CPLX3: variants seen among roughly 807,000 people sequenced by gnomAD.
The protein encoded by CPLX3 is complexin-3.
CPLX3 carries 12 observed loss-of-function variants against 17.2 expected under a neutral mutation model. That is an observed-to-expected ratio of 0.70 (90% CI 0.45 to 1.13). The LOEUF is 1.13. Ranked by LOEUF, CPLX3 falls within the 50% of genes most tolerant of loss-of-function variation. The pLI is 0.00. For missense variants in CPLX3, 172 were observed against 203.2 expected, an observed-to-expected ratio of 0.85 and a Z score of 0.93; for synonymous variants, 75 against 79.4, an observed-to-expected ratio of 0.94 and a Z score of 0.29.
chr15:74,827,051 C>T (rs1309376343), intron 1 of CPLX3, among the ~76,000 whole-genome samples, 184 bp downstream of exon 1: 1 of 152,146 alleles, frequency 6.6e-6, no homozygotes, highest in Admixed American at 6.5e-5. Flanking sequence ...CAAAACCCCG[C>T]TCCAGCATCA....
In CPLX3 at chr15:74,826,981, C is replaced by A; in HGVS notation, c.164+114C>A. Reference sequence around the variant, plus strand: ...ATCCCTTCTCCCCTACTTTCCTAGACACGGTAAGAGACCGGGAGGTGTCCT... The same window carrying A: ...ATCCCTTCTCCCCTACTTTCCTAGAAACGGTAAGAGACCGGGAGGTGTCCT... On this transcript the variant is annotated intron_variant, in intron 1 of 2. Coordinates refer to ENST00000395018, the MANE Select transcript of CPLX3 (RefSeq NM_001030005.3). The surrounding 1 kb of genome is among the most constrained non-coding windows in gnomAD (Gnocchi z 5.0). 1 of 976,530 alleles carries A rather than the reference C, an allele frequency of 1.0e-6. No homozygotes were observed. Among genetic ancestry groups the A allele is most frequent in the Non-Finnish European group, 1.5e-6 (1 of 664,886 alleles). The allele number at this position is 976,530 out of a possible 1,614,324, so 60.5% of individuals were successfully genotyped here. A position where few individuals can be genotyped will look rare whatever the true frequency, so the allele number is the denominator to read the frequency against.
At position 74,830,189 on chromosome 15, in the gene CPLX3, G is replaced by C. The variant is rs1438539973; in HGVS notation, c.312G>C (p.Glu104Asp). The C allele has an allele frequency of 6.2e-7, 1 of 1,613,856 alleles. No homozygotes were observed. Among genetic ancestry groups the C allele is most frequent in the African/African-American group, 1.3e-5 (1 of 74,874 alleles). The change falls in exon 3 of 3, where the codon GAG (glutamate) becomes GAC (aspartate). Residue 104 changes from glutamate (E) to aspartate (D), a missense_variant. Coordinates refer to ENST00000395018, the MANE Select transcript of CPLX3 (RefSeq NM_001030005.3). ...GTGGAGACGTGGAGCTGCCCCGGGA[G>C]CTGGCCAAGATGATCGAGGAGGACA... Reference protein sequence around the residue: ...MAGGDVELPRELAKMIEEDTE... With the variant: ...MAGGDVELPRDLAKMIEEDTE...
chr15:74,826,854 C>G lies in CPLX3; in HGVS notation c.151C>G (p.Leu51Val), dbSNP rs1333633893. Residue 51 changes from leucine (L) to valine (V), a missense_variant, in exon 1 of 3, where the codon CTC becomes GTC. Transcript: ENST00000395018. The surrounding 1 kb of genome is among the most constrained non-coding windows in gnomAD (Gnocchi z 5.0). ...REEYEEYQKQ[L>V]VEEKMERDAQ... ...GGAGTACGAGGAGTATCAGAAGCAA[C>G]TCGTGGAAGAGAAGTGAGTGGGATC... is the stretch of plus-strand genomic sequence containing the variant. 1.9e-6 allele frequency: 3 copies of G among 1,599,592 alleles called. No homozygotes were observed. The African/African-American group carries it at 4.1e-5, about 22-fold the overall frequency.
Position 74,830,152 on chromosome 15 carries a change from T to A in CPLX3, c.275T>A (p.Ile92Asn). Residue 92 changes from isoleucine to asparagine, a missense_variant, in exon 3 of 3, where the codon ATC becomes AAC. Ile to Asn is a moderately radical substitution (Grantham distance 149). Coordinates refer to ENST00000395018, the MANE Select transcript of CPLX3 (RefSeq NM_001030005.3). The part of the protein sequence containing the change: ...LPKNETDESQ[I>N]QMAGGDVELP... ...CAGAACGAGACAGATGAGAGCCAGA[T>A]CCAGATGGCAGGTGGAGACGTGGAG... 1 of 1,613,612 alleles carries A rather than the reference T, an allele frequency of 6.2e-7. No homozygotes were observed. The highest frequency in any genetic ancestry group is 8.5e-7 in the Non-Finnish European group (1 of 1,179,928).
chr15:74,828,085 G>T lies in CPLX3; in HGVS notation c.216G>T (p.Leu72=), dbSNP rs367795069. Residue 72 remains leucine (L), a synonymous_variant, in exon 2 of 3, where the codon CTG becomes CTT. Transcript: ENST00000395018. ...FTQRKAERAT[L]RSHFRDKYRL... Reference sequence around the variant, plus strand: ...AGAGGAAGGCAGAGCGGGCCACACTGCGGAGCCACTTCCGAGACAAATACC... The same window carrying T: ...AGAGGAAGGCAGAGCGGGCCACACTTCGGAGCCACTTCCGAGACAAATACC... 5 of 1,606,360 alleles carry T rather than the reference G, an allele frequency of 3.1e-6. No individual in the cohort carries two copies. Among genetic ancestry groups the T allele is most frequent in the Non-Finnish European group, 4.3e-6 (5 of 1,176,330 alleles).
Position 74,830,687 on chromosome 15 carries a change from A to C in CPLX3, c.*333A>C, listed in dbSNP as rs1596383157. On this transcript the variant is annotated 3_prime_UTR_variant, in exon 3 of 3. Coordinates refer to ENST00000395018, the MANE Select transcript of CPLX3 (RefSeq NM_001030005.3). Reference sequence around the variant, plus strand: ...CAGAGAGACACACACAGGACACAAAACCCCTGGCACGTTCAGAGACAGAAG... The same window carrying C: ...CAGAGAGACACACACAGGACACAAACCCCCTGGCACGTTCAGAGACAGAAG... 2.1e-5 allele frequency: 5 copies of C among 237,038 alleles called. No individual in the cohort carries two copies. Among genetic ancestry groups the C allele is most frequent in the South Asian group, 6.9e-5 (1 of 14,572 alleles). 14.7% of individuals were successfully genotyped at this position (237,038 alleles called of 1,614,324 possible).
intron 1 of CPLX3, 21 bp from the exon 2 acceptor site, chr15:74,828,013 C>T: frequency 6.3e-7 from 1 of 1,585,952 alleles, no homozygotes. Flanking sequence ...CGTGGTGACT[C>T]TGCCTCCGGT....
chr15:74,827,109 C>T (rs1257799957), intron 1 of CPLX3, among the ~76,000 whole-genome samples: 2 of 152,112 alleles, frequency 1.3e-5, no homozygotes, highest in South Asian at 2.1e-4. Flanking sequence ...GACGAGGGAC[C>T]GACCGGAGCC....
intron 2 of CPLX3, 66 bp from the exon 3 acceptor site, chr15:74,830,064 C>T (rs1363296612): frequency 2.4e-6 from 3 of 1,243,586 alleles, no homozygotes; most frequent in Non-Finnish European, 3.5e-6. Context: ...TCCTCCCTGT[C>T]CTCTCAACTC....
At chr15:74,830,055 C>T in intron 2 of CPLX3, 75 bp from the exon 3 acceptor site, 1 of 1,139,794 alleles carries the variant, frequency 8.8e-7, no homozygotes, top group Non-Finnish European at 1.3e-6. Context: ...GTCCAAGCCT[C>T]CTCCCTGTCC....
In CPLX3 at chr15:74,826,640, G is replaced by C. The variant is rs112263788; in HGVS notation, c.-64G>C. 10 of 1,544,934 alleles carry C rather than the reference G, an allele frequency of 6.5e-6. No homozygotes were observed. Among genetic ancestry groups the C allele is most frequent in the Non-Finnish European group, 7.9e-6 (9 of 1,142,716 alleles). Reference sequence around the variant, plus strand: ...TCCGCGAAACCTAGTGCTGAAGTAGGCGCGGACGTGCCCGGTGCCTGGCGC... The same window carrying C: ...TCCGCGAAACCTAGTGCTGAAGTAGCCGCGGACGTGCCCGGTGCCTGGCGC... On this transcript the variant is annotated 5_prime_UTR_variant, in exon 1 of 3. Transcript: ENST00000395018. The surrounding 1 kb of genome is among the most constrained non-coding windows in gnomAD (Gnocchi z 5.0).
At chr15:74,829,229 TAA>T (rs2141120881) in intron 2 of CPLX3, among the ~76,000 whole-genome samples, 1 of 152,184 alleles carries the variant, frequency 6.6e-6, no homozygotes, top group African/African-American at 2.4e-5. Flanking sequence ...GCTAGGCATA[TAA>T]GAGACACCTG....
In CPLX3 at chr15:74,826,884, C is replaced by T. The variant is rs1454716080; in HGVS notation, c.164+17C>T. Reference sequence around the variant, plus strand: ...GGAAGAGAAGTGAGTGGGATCCCTTCCTGGCTCCAACGACCTCCCCTCCCC... The same window carrying T: ...GGAAGAGAAGTGAGTGGGATCCCTTTCTGGCTCCAACGACCTCCCCTCCCC... On this transcript the variant is annotated intron_variant, in intron 1 of 2. Transcript: ENST00000395018. The surrounding 1 kb of genome is among the most constrained non-coding windows in gnomAD (Gnocchi z 5.0). 3 of 1,594,514 alleles carry T rather than the reference C, an allele frequency of 1.9e-6. No homozygotes were observed. The highest frequency in any genetic ancestry group is 3.4e-5 in the Admixed American group (2 of 58,140).
In CPLX3 at chr15:74,827,792, A is replaced by G. The variant is rs202027917; in HGVS notation, c.165-242A>G. 3.3e-5 allele frequency among the ~76,000 whole-genome samples: 5 copies of G among 152,248 alleles called. No homozygotes were observed. In the East Asian group the frequency reaches 9.6e-4, roughly 29 times the overall value. On this transcript the variant is annotated intron_variant, in intron 1 of 2. Transcript: ENST00000395018. ...TGAGGGACAAATAATTAGGATCTGCAGAGAGAGCCAGACAGACTGCCACCC... is the reference window on the plus strand; with the variant it reads ...TGAGGGACAAATAATTAGGATCTGCGGAGAGAGCCAGACAGACTGCCACCC...
chr15:74,828,035 A>G lies in CPLX3; in HGVS notation c.166A>G (p.Met56Val), dbSNP rs1280713044. The change falls in exon 2 of 3, where the codon ATG (methionine) becomes GTG (valine). Residue 56 changes from methionine to valine, a missense_variant and splice_region_variant. By Grantham distance (21) the Met-to-Val change is conservative. Transcript: ENST00000395018. Reference protein sequence around the residue: ...EYQKQLVEEKMERDAQFTQRK... With the variant: ...EYQKQLVEEKVERDAQFTQRK... The stretch of plus-strand genomic sequence containing the variant: ...ACTCTGCCTCCGGTGACCCTGCAGG[A>G]TGGAGCGGGATGCACAGTTCACACA... The G allele has an allele frequency of 6.2e-7, 1 of 1,604,772 alleles. No homozygotes were observed.
At chr15:74,827,407 C>A (rs2063948821) in intron 1 of CPLX3, among the ~76,000 whole-genome samples, 1 of 152,228 alleles carries the variant, frequency 6.6e-6, no homozygotes, top group Non-Finnish European at 1.5e-5. Flanking sequence ...TAACTTTAGG[C>A]AAGTTACTTA....
chr15:74,827,453 G>A (rs1596382178), intron 1 of CPLX3, among the ~76,000 whole-genome samples: 1 of 152,242 alleles, frequency 6.6e-6, no homozygotes, highest in South Asian at 2.1e-4. Flanking sequence ...TCTGGAAAGT[G>A]GGGATGGTAA....
chr15:74,828,734 C>T (rs1283585837), intron 2 of CPLX3, among the ~76,000 whole-genome samples: 8 of 152,172 alleles, frequency 5.3e-5, no homozygotes, highest in Admixed American at 4.6e-4. Context: ...GAATATGAGC[C>T]TGCCTTTGCT....
rs1414937941 is a variant in CPLX3, at chr15:74,831,143, A to G, written c.*789A>G. On this transcript the variant is annotated 3_prime_UTR_variant, in exon 3 of 3. Coordinates refer to ENST00000395018, the MANE Select transcript of CPLX3 (RefSeq NM_001030005.3). ...CTCCTCTGGGCCCAGGGCCCAGCCA[A>G]TTTCTGTTCTGTTCCTGTAGAACGC... is the stretch of plus-strand genomic sequence containing the variant. 1 of 152,594 alleles carries G rather than the reference A, an allele frequency of 6.6e-6. No homozygotes were observed. The highest frequency in any genetic ancestry group is 1.5e-5 in the Non-Finnish European group (1 of 68,036). 9.5% of individuals were successfully genotyped at this position (152,594 alleles called of 1,614,324 possible).
Sources: allele counts gnomAD v4.1 joint callset (sites outside exome capture counted in the v4.1 genomes callset), GRCh38; gene constraint gnomAD v4.1.1; non-coding constraint Gnocchi (gnomAD v3.1); transcripts MANE v1.5; gene names NCBI Gene and HGNC (gene_info 2026-07-23, HGNC 2026-07-21).